Variants in LAMA2 observed in about 807,000 individuals in gnomAD.
The protein encoded by LAMA2 is laminin subunit alpha 2.
Under a neutral mutation model 364.8 loss-of-function variants are expected in LAMA2, and 269 were observed. That is an observed-to-expected ratio of 0.74 (90% CI 0.67 to 0.82). The LOEUF (loss-of-function observed/expected upper bound fraction) is 0.82, where lower values mean the gene tolerates loss of function less well. Ranked by LOEUF, LAMA2 falls within the 40% of genes least tolerant of loss-of-function variation. The probability of loss-of-function intolerance (pLI) is 0.00; values close to 1 mark genes in which losing one functional copy is unlikely to be tolerated. For missense variants in LAMA2, 3,807 were observed against 3,873.2 expected (o/e 0.98, Z 0.45); for synonymous variants, 1,379 against 1,370.6 (o/e 1.01, Z -0.14).
At chr6:129,230,275 A>G (rs182384263) in intron 12 of LAMA2, among the ~76,000 whole-genome samples, 15 of 152,312 alleles carry the variant, frequency 9.8e-5, no homozygotes, top group Middle Eastern at 3.4e-3. Flanking sequence ...GATGGGCCAA[A>G]TAAGGTAAGA....
intron 34 of LAMA2, among the ~76,000 whole-genome samples, chr6:129,381,888 A>T (rs567763570): frequency 2.6e-5 from 4 of 152,224 alleles, no homozygotes; most frequent in Non-Finnish European, 5.9e-5. Flanking sequence ...AGATGATAAT[A>T]GTTGGACTTT....
intron 49 of LAMA2, 146 bp from the exon 50 acceptor site, chr6:129,464,144 T>G: frequency 1.2e-5 from 9 of 732,938 alleles, no homozygotes; most frequent in East Asian, 2.6e-5. Flanking sequence ...GCAGTAGAGA[T>G]GGAGATAAGT....
intron 12 of LAMA2, among the ~76,000 whole-genome samples, chr6:129,223,277 T>C (rs1784006045): frequency 6.6e-6 from 1 of 152,206 alleles, no homozygotes; most frequent in Admixed American, 6.5e-5. Context: ...AAAAATCTTC[T>C]CCCATTCTGT....
chr6:128,993,472 T>C (rs1783732872), intron 1 of LAMA2, among the ~76,000 whole-genome samples: 1 of 152,226 alleles, frequency 6.6e-6, no homozygotes, highest in Non-Finnish European at 1.5e-5. Flanking sequence ...CACATGTCAT[T>C]ACAGGCTAGT....
At chr6:128,974,779 T>G (rs1782417126) in intron 1 of LAMA2, among the ~76,000 whole-genome samples, 1 of 152,214 alleles carries the variant, frequency 6.6e-6, no homozygotes, top group African/African-American at 2.4e-5. Context: ...TATGGACTAT[T>G]TTATTAACTT....
At chr6:128,971,496 A>G (rs563043109) in intron 1 of LAMA2, among the ~76,000 whole-genome samples, 30 of 152,330 alleles carry the variant, frequency 2.0e-4, no homozygotes, top group Admixed American at 5.2e-4. Flanking sequence ...TGCATTCTAG[A>G]AAAGGTGGTA....
rs777158791 is a variant in LAMA2, at chr6:129,366,358, A to G, written c.4857A>G (p.Leu1619=). The G allele has an allele frequency of 1.4e-5, 22 of 1,613,386 alleles. No homozygotes were observed. In the Admixed American group the frequency reaches 3.5e-4, roughly 26 times the overall value. The change falls in exon 33 of 65, where the codon CTA becomes CTG. Residue 1619 remains leucine, a synonymous_variant. Transcript: ENST00000421865. ...GTCTTGAAAATATGACTCAGGAGCT[A>G]AAGGTAGGTTGGTGCAGTCACAAGC... is the stretch of plus-strand genomic sequence containing the variant. The part of the protein sequence containing the change: ...LYGLENMTQE[L]KHLLSPQRAP...
At chr6:128,941,633 AT>A (rs1003379805) in intron 1 of LAMA2, among the ~76,000 whole-genome samples, 2 of 151,820 alleles carry the variant, frequency 1.3e-5, no homozygotes, top group Non-Finnish European at 2.9e-5. Flanking sequence ...AACAAAAAAA[AT>A]AAATGACATT....
At chr6:129,451,188 A>C (rs917145351) in intron 45 of LAMA2, among the ~76,000 whole-genome samples, 1 of 152,200 alleles carries the variant, frequency 6.6e-6, no homozygotes, top group African/African-American at 2.4e-5. Flanking sequence ...TAAAAATTGT[A>C]CATTTCCTAC....
At position 129,516,340 on chromosome 6, in the gene LAMA2, C is replaced by G; in HGVS notation, c.9362C>G (p.Ala3121Gly). 16 of 1,613,864 alleles carry G rather than the reference C, an allele frequency of 9.9e-6. No homozygotes were observed. Among genetic ancestry groups the G allele is most frequent in the Non-Finnish European group, 1.4e-5 (16 of 1,179,886 alleles). The change falls in exon 65 of 65, where the codon GCC (alanine) becomes GGC (glycine). Residue 3121 changes from alanine to glycine, a missense_variant. Coordinates refer to ENST00000421865, the MANE Select transcript of LAMA2 (RefSeq NM_000426.4). ...LRGVQPVSCP[A>G]N ...GGCGTTCAACCTGTATCATGCCCAG[C>G]CAACTAATAAAAATAAGTGTAACCC...
chr6:128,945,439 C>A (rs983620205), intron 1 of LAMA2, among the ~76,000 whole-genome samples: 1 of 152,182 alleles, frequency 6.6e-6, no homozygotes, highest in Non-Finnish European at 1.5e-5. Flanking sequence ...AGAACAGCTG[C>A]TTTTTCTTAT....
chr6:129,165,258 T>A (rs1779675063), intron 8 of LAMA2, among the ~76,000 whole-genome samples: 1 of 152,044 alleles, frequency 6.6e-6, no homozygotes, highest in African/African-American at 2.4e-5. Context: ...AGTGTAGTTT[T>A]GTTTAAGTAA....
chr6:129,381,665 C>T (rs1778698875), intron 34 of LAMA2, among the ~76,000 whole-genome samples: 1 of 151,970 alleles, frequency 6.6e-6, no homozygotes, highest in African/African-American at 2.4e-5. Context: ...CACAGTTTAT[C>T]CCAAAAAAAT....
At chr6:129,075,295 T>C (rs1356981654) in intron 3 of LAMA2, among the ~76,000 whole-genome samples, 3 of 152,054 alleles carry the variant, frequency 2.0e-5, no homozygotes, top group Non-Finnish European at 4.4e-5. Context: ...TGGAACCTAG[T>C]GATCAAGAGC....
intron 41 of LAMA2, among the ~76,000 whole-genome samples, chr6:129,431,924 A>G (rs1781616690): frequency 6.6e-6 from 1 of 152,222 alleles, no homozygotes; most frequent in African/African-American, 2.4e-5. Flanking sequence ...TTATTATTTT[A>G]TATTTTAAAA....
chr6:129,099,354 A>C (rs1775385933), intron 4 of LAMA2, among the ~76,000 whole-genome samples: 1 of 152,006 alleles, frequency 6.6e-6, no homozygotes, highest in African/African-American at 2.4e-5. Context: ...TAAGGAAATA[A>C]TAACCATTAC....
rs1278777348 is a variant in LAMA2 at position 129,059,870 on chromosome 6, G to T, written c.370G>T (p.Val124Leu). 1 of 1,593,528 alleles carries T rather than the reference G, an allele frequency of 6.3e-7. No homozygotes were observed. The highest frequency in any genetic ancestry group is 8.6e-7 in the Non-Finnish European group (1 of 1,161,230). The change falls in exon 3 of 65, where the codon GTG (valine) becomes TTG (leucine). Residue 124 changes from valine (V) to leucine (L), a missense_variant. Coordinates refer to ENST00000421865, the MANE Select transcript of LAMA2 (RefSeq NM_000426.4). ...SIKNGIEYHY[V>L]TITLDLQQVF... ...TAAGAATGGAATCGAATACCATTAT[G>T]TGACAATTACCCTGGATTTACAGCA...
chr6:129,142,537 G>T (rs78304164), intron 4 of LAMA2, among the ~76,000 whole-genome samples: 5,659 of 152,026 alleles, frequency 0.037, 361 homozygotes, highest in African/African-American at 0.13. Context: ...TAGTAGGGGG[G>T]AGGCAAACAT....
intron 32 of LAMA2, among the ~76,000 whole-genome samples, chr6:129,356,868 T>C (rs1250706327): frequency 2.0e-5 from 3 of 152,102 alleles, no homozygotes; most frequent in Non-Finnish European, 2.9e-5. Context: ...TATGGTAGAT[T>C]CCTTTTCATC....
Sources: gnomAD v4.1 joint callset for allele counts (sites outside exome capture counted in the v4.1 genomes callset) on GRCh38, gnomAD v4.1.1 for gene constraint, MANE v1.5 for transcripts, NCBI Gene and HGNC (gene_info 2026-07-23, HGNC 2026-07-21) for gene names.